Variants in PPP3CA observed in about 807,000 individuals in gnomAD.
PPP3CA encodes protein phosphatase 3 catalytic subunit alpha.
Under a neutral mutation model 66.5 loss-of-function variants are expected in PPP3CA, and 14 were observed. The ratio of observed to expected loss-of-function variants is 0.21; its 90% CI spans 0.14 to 0.33. PPP3CA has a LOEUF of 0.33. Ranked by LOEUF, PPP3CA falls within the 10% of genes least tolerant of loss-of-function variation. The probability of loss-of-function intolerance (pLI) is 1.00; values close to 1 mark genes in which losing one functional copy is unlikely to be tolerated. For synonymous variants in PPP3CA, 232 were observed against 226.2 expected, an observed-to-expected ratio of 1.03 and a Z score of -0.23; for missense variants, 317 against 639.5, an observed-to-expected ratio of 0.50 and a Z score of 5.44.
intron 1 of PPP3CA, among the ~76,000 whole-genome samples, chr4:101,235,186 A>G (rs1367498925): frequency 6.6e-6 from 1 of 151,856 alleles, no homozygotes; most frequent in East Asian, 1.9e-4. Flanking sequence ...ACACAATTTA[A>G]GAAACTAAAC....
Position 101,195,948 on chromosome 4 carries a change from T to G in PPP3CA, c.227A>C (p.Lys76Thr). 1 of 1,613,966 alleles carries G rather than the reference T, an allele frequency of 6.2e-7. No individual in the cohort carries two copies. The highest frequency in any genetic ancestry group is 8.5e-7 in the Non-Finnish European group (1 of 1,179,918). Residue 76 changes from lysine to threonine, a missense_variant, in exon 2 of 14, where the codon AAA becomes ACA. Physicochemically the swap from Lys to Thr is moderately conservative, Grantham distance 78 (BLOSUM62 -1). Transcript: ENST00000394854. The stretch of plus-strand genomic sequence containing the variant: ...TGGCGCATCAATATCCAGCAAATTT[T>G]TTTCCTGTCGAAGAATTGATGCACC... Reference protein sequence around the residue: ...TEGASILRQEKNLLDIDAPVT... With the variant: ...TEGASILRQETNLLDIDAPVT...
chr4:101,055,982 A>G (rs1728207682), intron 10 of PPP3CA, among the ~76,000 whole-genome samples: 1 of 152,080 alleles, frequency 6.6e-6, no homozygotes, highest in African/African-American at 2.4e-5. Context: ...ATTAAAGCAT[A>G]TTATATTTGC....
chr4:101,112,838 T>G (rs1208792693), intron 2 of PPP3CA, among the ~76,000 whole-genome samples: 1 of 152,130 alleles, frequency 6.6e-6, no homozygotes, highest in African/African-American at 2.4e-5. Context: ...CCCACTGAAA[T>G]ATAACCACTG....
intron 11 of PPP3CA, among the ~76,000 whole-genome samples, chr4:101,035,492 T>C (rs1218213905): frequency 6.6e-6 from 1 of 152,188 alleles, no homozygotes; most frequent in Non-Finnish European, 1.5e-5. Flanking sequence ...GGGGTCACAC[T>C]CAGGCTAACA....
intron 2 of PPP3CA, among the ~76,000 whole-genome samples, chr4:101,153,660 C>T (rs183384639): frequency 6.6e-5 from 10 of 152,238 alleles, no homozygotes; most frequent in African/African-American, 2.4e-4. Context: ...ACTAAGAATC[C>T]TATTAGCACT....
At chr4:101,226,987 G>A (rs945315478) in intron 1 of PPP3CA, among the ~76,000 whole-genome samples, 2 of 151,672 alleles carry the variant, frequency 1.3e-5, no homozygotes, top group African/African-American at 4.8e-5. Flanking sequence ...AATGTTTATA[G>A]TTCTTTTGCA....
At chr4:101,104,467 G>A (rs1264643663) in intron 3 of PPP3CA, among the ~76,000 whole-genome samples, 3 of 143,312 alleles carry the variant, frequency 2.1e-5, no homozygotes, top group South Asian at 2.2e-4. Flanking sequence ...TTTTTTTTTC[G>A]TGGTGCTTTG....
At chr4:101,215,392 C>G (rs776659591) in intron 1 of PPP3CA, among the ~76,000 whole-genome samples, 134 of 151,978 alleles carry the variant, frequency 8.8e-4, no homozygotes, top group Non-Finnish European at 1.7e-3. Flanking sequence ...TACCAAAACA[C>G]AGAATGCTTT....
chr4:101,280,473 A>G (rs1727643725), intron 1 of PPP3CA, among the ~76,000 whole-genome samples: 1 of 152,204 alleles, frequency 6.6e-6, no homozygotes, highest in Non-Finnish European at 1.5e-5. Context: ...TTAAGCAGGT[A>G]TTTTGTATAT....
rs79873875 is a variant in PPP3CA, at chr4:101,121,929, T to C, written c.260-12851A>G. ...TGACGTTTGACCATGGACTTTTCTCTGTGGTCCACACATATGTGAAATGTG... is the reference window on the plus strand; with the variant it reads ...TGACGTTTGACCATGGACTTTTCTCCGTGGTCCACACATATGTGAAATGTG... On this transcript the variant is annotated intron_variant, in intron 2 of 13. Coordinates refer to ENST00000394854, the MANE Select transcript of PPP3CA (RefSeq NM_000944.5). 5.1e-3 allele frequency among the ~76,000 whole-genome samples: 781 copies of C among 152,232 alleles called. 16 individuals are homozygous for C. Among genetic ancestry groups the C allele is most frequent in the African/African-American group, 0.018 (744 of 41,538 alleles).
intron 1 of PPP3CA, among the ~76,000 whole-genome samples, chr4:101,328,136 G>C (rs1334741036): frequency 6.6e-6 from 1 of 152,144 alleles, no homozygotes; most frequent in African/African-American, 2.4e-5. Context: ...CAGGAAATCA[G>C]GGCAGGGTGT....
At chr4:101,236,050 G>A (rs916699715) in intron 1 of PPP3CA, among the ~76,000 whole-genome samples, 3 of 150,656 alleles carry the variant, frequency 2.0e-5, no homozygotes. Flanking sequence ...AAAAGAAAAG[G>A]AATAAGACAG....
rs114664101 is a variant in PPP3CA, at chr4:101,101,411, G to A, written c.385-1689C>T. Among the ~76,000 whole-genome samples, 478 of 152,254 alleles carry A rather than the reference G, an allele frequency of 3.1e-3. 2 individuals are homozygous for A. Among genetic ancestry groups the A allele is most frequent in the African/African-American group, 0.011 (451 of 41,556 alleles). On this transcript the variant is annotated intron_variant, in intron 3 of 13. Transcript: ENST00000394854. ...TATTATTAATGTCAATGGGAGGACT[G>A]TCCCCAATTTAAAATGTCTAAGGCT... is the stretch of plus-strand genomic sequence containing the variant.
intron 2 of PPP3CA, among the ~76,000 whole-genome samples, chr4:101,141,460 G>A (rs1722806211): frequency 6.6e-6 from 1 of 152,112 alleles, no homozygotes. Flanking sequence ...CTCTCTCCTA[G>A]TCATTAATTT....
At chr4:101,287,385 A>G (rs9995451) in intron 1 of PPP3CA, among the ~76,000 whole-genome samples, 5,300 of 152,308 alleles carry the variant, frequency 0.035, 246 homozygotes, top group African/African-American at 0.11. Flanking sequence ...TGCATCACCA[A>G]AAGATATAGA....
chr4:101,338,190 T>G (rs1259538074), intron 1 of PPP3CA, among the ~76,000 whole-genome samples: 6 of 152,142 alleles, frequency 3.9e-5, no homozygotes, highest in African/African-American at 1.4e-4. Flanking sequence ...AATAATCCAT[T>G]AAAAGTCAAG....
intron 1 of PPP3CA, chr4:101,330,245 G>C: frequency 2.4e-6 from 1 of 425,214 alleles, no homozygotes; most frequent in Non-Finnish European, 4.6e-6. Flanking sequence ...AAGAGAACTA[G>C]AATTAAAAGT....
intron 11 of PPP3CA, among the ~76,000 whole-genome samples, chr4:101,035,516 A>G (rs1178147157): frequency 6.6e-6 from 1 of 152,158 alleles, no homozygotes; most frequent in Non-Finnish European, 1.5e-5. Context: ...CAGTCATAAG[A>G]CTGATGTTGG....
intron 2 of PPP3CA, among the ~76,000 whole-genome samples, chr4:101,122,271 G>A (rs1253158056): frequency 6.6e-6 from 1 of 152,184 alleles, no homozygotes; most frequent in Non-Finnish European, 1.5e-5. Context: ...CACAACACTG[G>A]CTTCAAGTAT....
Sources: allele counts gnomAD v4.1 joint callset (sites outside exome capture counted in the v4.1 genomes callset), GRCh38; gene constraint gnomAD v4.1.1; transcripts MANE v1.5; gene names NCBI Gene and HGNC (gene_info 2026-07-23, HGNC 2026-07-21).